TUSC3: variants seen among roughly 807,000 people sequenced by gnomAD.
TUSC3 encodes tumor suppressor candidate 3.
TUSC3 carries 45 observed loss-of-function variants against 44.8 expected under a neutral mutation model. That is an observed-to-expected ratio of 1.00 (90% CI 0.79 to 1.29). The LOEUF is 1.29. Ranked by LOEUF, TUSC3 falls within the 50% of genes most tolerant of loss-of-function variation. The pLI is 0.00. For synonymous variants in TUSC3, 212 were observed against 152.9 expected (o/e 1.39, Z -2.85); for missense variants, 519 against 437.9 (o/e 1.19, Z -1.65).
At chr8:15,760,938 C>A (rs562922555) in intron 10 of TUSC3, among the ~76,000 whole-genome samples, 2 of 152,078 alleles carry the variant, frequency 1.3e-5, no homozygotes, top group Non-Finnish European at 2.9e-5. Flanking sequence ...CTTGTAACAC[C>A]GTCATCATCT....
At chr8:15,530,295 C>G (rs13273455) in intron 2 of TUSC3, among the ~76,000 whole-genome samples, 48,096 of 151,864 alleles carry the variant, frequency 0.32, 8,448 homozygotes, top group East Asian at 0.51. Context: ...CCTATCATTT[C>G]TTTCTTGCCC....
the TUSC3 span, among the ~76,000 whole-genome samples, chr8:15,848,193 C>T: frequency 6.6e-6 from 1 of 152,180 alleles, no homozygotes; most frequent in African/African-American, 2.4e-5. Context: ...CCTGGCACCT[C>T]AGCTGTCATG....
intron 2 of TUSC3, among the ~76,000 whole-genome samples, chr8:15,631,961 C>G (rs1805788219): frequency 6.6e-6 from 1 of 152,132 alleles, no homozygotes; most frequent in African/African-American, 2.4e-5. Flanking sequence ...CCTGCCTTGG[C>G]CTCCCAAAGT....
chr8:15,692,661 C>CTT (rs71211074), intron 6 of TUSC3, among the ~76,000 whole-genome samples: 1 of 143,360 alleles, frequency 7.0e-6, no homozygotes. Flanking sequence ...TTTCTGAGGG[C>CTT]TTTTTTTTTT....
At chr8:15,681,564 T>A (rs1808432514) in intron 6 of TUSC3, among the ~76,000 whole-genome samples, 1 of 151,536 alleles carries the variant, frequency 6.6e-6, no homozygotes, top group South Asian at 2.1e-4. Context: ...TTTCTCTTTT[T>A]TTTTTTCTTT....
intron 5 of TUSC3, among the ~76,000 whole-genome samples, chr8:15,663,624 C>A (rs1807524905): frequency 6.6e-6 from 1 of 151,678 alleles, no homozygotes; most frequent in Non-Finnish European, 1.5e-5. Context: ...AGATGTTTGG[C>A]CTTTTAAGAG....
intron 2 of TUSC3, among the ~76,000 whole-genome samples, chr8:15,529,163 C>A (rs1381641567): frequency 1.3e-5 from 2 of 152,134 alleles, no homozygotes; most frequent in African/African-American, 4.8e-5. Flanking sequence ...AACACAAGTT[C>A]TAAAATGCAA....
intron 2 of TUSC3, among the ~76,000 whole-genome samples, chr8:15,642,731 A>T (rs912016975): frequency 1.3e-5 from 2 of 152,162 alleles, no homozygotes; most frequent in African/African-American, 4.8e-5. Flanking sequence ...TTTGAGTATC[A>T]TGATAGTTCC....
intron 2 of TUSC3, among the ~76,000 whole-genome samples, chr8:15,650,005 T>G (rs146660657): frequency 3.9e-5 from 6 of 152,206 alleles, no homozygotes; most frequent in Admixed American, 1.3e-4. Flanking sequence ...GTTTCTTCTC[T>G]GTTCCTACAT....
chr8:15,788,146 A>G, the TUSC3 span, among the ~76,000 whole-genome samples: 1 of 152,190 alleles, frequency 6.6e-6, no homozygotes, highest in Non-Finnish European at 1.5e-5. Flanking sequence ...ACAAGAATAT[A>G]TGGGAGAAAA....
chr8:15,632,898 A>T (rs1377202972), intron 2 of TUSC3, among the ~76,000 whole-genome samples: 1 of 152,198 alleles, frequency 6.6e-6, no homozygotes, highest in East Asian at 1.9e-4. Context: ...TTTCTGGTAC[A>T]AGATATTCTA....
At chr8:15,588,668 C>A (rs1803694645) in intron 1 of TUSC3, among the ~76,000 whole-genome samples, 1 of 152,032 alleles carries the variant, frequency 6.6e-6, no homozygotes, top group Non-Finnish European at 1.5e-5. Context: ...GTGTTTTCTT[C>A]TAGTAGTTTT....
chr8:15,715,557 G>T (rs1810024265), intron 6 of TUSC3, among the ~76,000 whole-genome samples: 2 of 152,054 alleles, frequency 1.3e-5, no homozygotes, highest in South Asian at 4.1e-4. Context: ...GGAACAGCCT[G>T]CAACTTAAAG....
chr8:15,838,779 A>G, the TUSC3 span, among the ~76,000 whole-genome samples: 3 of 152,072 alleles, frequency 2.0e-5, no homozygotes, highest in African/African-American at 7.2e-5. Context: ...ATAGTTTGAA[A>G]TCAGGTAGCG....
At chr8:15,439,587 C>T (rs1799994773) in intron 1 of TUSC3, among the ~76,000 whole-genome samples, 1 of 152,100 alleles carries the variant, frequency 6.6e-6, no homozygotes, top group South Asian at 2.1e-4. Flanking sequence ...AACAGAAAAA[C>T]ATGAAAGGGC....
chr8:15,656,634 C>T (rs1807178685), intron 3 of TUSC3, among the ~76,000 whole-genome samples: 1 of 145,480 alleles, frequency 6.9e-6, no homozygotes. Context: ...CACGCAACAG[C>T]TCTCCCAGGC....
intron 6 of TUSC3, among the ~76,000 whole-genome samples, chr8:15,721,254 C>T (rs564946839): frequency 8.1e-4 from 124 of 152,168 alleles, no homozygotes; most frequent in African/African-American, 2.7e-3. Flanking sequence ...GCACAGAGAA[C>T]CTGTTCCTAA....
At chr8:15,641,574 C>G (rs181053657) in intron 2 of TUSC3, among the ~76,000 whole-genome samples, 21 of 152,220 alleles carry the variant, frequency 1.4e-4, no homozygotes, top group African/African-American at 4.8e-4. Context: ...TTTGCATACT[C>G]CTTTGCCATT....
At chr8:15,469,027 C>G (rs1488460391) in intron 1 of TUSC3, among the ~76,000 whole-genome samples, 1 of 151,840 alleles carries the variant, frequency 6.6e-6, no homozygotes, top group Non-Finnish European at 1.5e-5. Context: ...CAAATTCTCT[C>G]AGAACGCAGA....
Sources: gnomAD v4.1 joint callset for allele counts (sites outside exome capture counted in the v4.1 genomes callset) on GRCh38, gnomAD v4.1.1 for gene constraint, MANE v1.5 for transcripts, NCBI Gene and HGNC (gene_info 2026-07-23, HGNC 2026-07-21) for gene names.